Variants in NR2C2 observed in about 807,000 individuals in gnomAD.
NR2C2 encodes nuclear receptor subfamily 2 group C member 2.
A neutral mutation model predicts 62.9 loss-of-function variants in NR2C2; 6 were observed. That is an observed-to-expected ratio of 0.10 (90% CI 0.05 to 0.19). The LOEUF (loss-of-function observed/expected upper bound fraction) is 0.19, where lower values mean the gene tolerates loss of function less well. Among genes scored for constraint, NR2C2 ranks in the 10% least tolerant of loss-of-function variants. The pLI is 1.00. For missense variants in NR2C2, 479 were observed against 762.7 expected (o/e 0.63, Z 4.38); for synonymous variants, 272 against 273.8 (o/e 0.99, Z 0.07).
intron 8 of NR2C2, among the ~76,000 whole-genome samples, chr3:15,029,882 GAA>G (rs2041930108): frequency 2.0e-5 from 3 of 150,368 alleles, no homozygotes; most frequent in African/African-American, 4.9e-5. Flanking sequence ...AAGAAAAAGA[GAA>G]AGAGACAAAG....
chr3:14,999,438 C>T (rs1011455933), intron 1 of NR2C2, among the ~76,000 whole-genome samples: 1 of 152,128 alleles, frequency 6.6e-6, no homozygotes, highest in Non-Finnish European at 1.5e-5. Context: ...CTGCAGTGAA[C>T]CATAATTGTG....
chr3:15,028,481 C>G, intron 7 of NR2C2, 105 bp from the exon 8 acceptor site: 1 of 1,052,392 alleles, frequency 9.5e-7, no homozygotes, highest in Admixed American at 2.3e-5. Context: ...AGTCACACTT[C>G]CCTCTCCTCG....
At chr3:14,965,522 C>CAAA (rs545143806) in intron 1 of NR2C2, among the ~76,000 whole-genome samples, 30 of 79,614 alleles carry the variant, frequency 3.8e-4, no homozygotes, top group Admixed American at 7.2e-4. Context: ...TTTCCCATGG[C>CAAA]AAAAAAAAAA....
intron 12 of NR2C2, chr3:15,038,915 C>T (rs1360874039): frequency 3.5e-6 from 2 of 565,200 alleles, no homozygotes; most frequent in African/African-American, 3.8e-5. Flanking sequence ...CACTCAGGGT[C>T]CCCGACCCGC....
chr3:14,954,874 AGGCCGGAGTGCAGTGGTACG>A, intron 1 of NR2C2, among the ~76,000 whole-genome samples: 1 of 152,310 alleles, frequency 6.6e-6, no homozygotes, highest in Admixed American at 6.5e-5. Flanking sequence ...TCTGCCGCCC[AGGCCGGAGTGCAGTGGTACG>A]ATCTTGGTTC....
At chr3:14,960,704 A>T (rs935986577) in intron 1 of NR2C2, among the ~76,000 whole-genome samples, 1 of 152,218 alleles carries the variant, frequency 6.6e-6, no homozygotes, top group African/African-American at 2.4e-5. Flanking sequence ...TCTAAAAGTG[A>T]TAAAAATTAT....
At chr3:14,997,635 G>A (rs970682921) in intron 1 of NR2C2, among the ~76,000 whole-genome samples, 2 of 152,024 alleles carry the variant, frequency 1.3e-5, no homozygotes, top group Non-Finnish European at 2.9e-5. Context: ...CCAAGAGAGA[G>A]CTAATCCATA....
chr3:14,984,334 T>G (rs1053998887), intron 1 of NR2C2, among the ~76,000 whole-genome samples: 1 of 152,218 alleles, frequency 6.6e-6, no homozygotes, highest in Non-Finnish European at 1.5e-5. Flanking sequence ...ATTTTCTTCC[T>G]TCTACTTTCT....
intron 1 of NR2C2, among the ~76,000 whole-genome samples, chr3:14,949,139 G>A (rs1313269129): frequency 1.3e-5 from 2 of 152,204 alleles, no homozygotes; most frequent in Admixed American, 1.3e-4. Context: ...CACATCTGGA[G>A]AACCAGCTGT....
chr3:14,961,932 A>G (rs1000738278), intron 1 of NR2C2, among the ~76,000 whole-genome samples: 4 of 152,224 alleles, frequency 2.6e-5, no homozygotes, highest in East Asian at 1.9e-4. Flanking sequence ...TGAGTGAGGT[A>G]TGTTAGCACC....
chr3:14,978,389 A>G (rs1001934454), intron 1 of NR2C2, among the ~76,000 whole-genome samples: 9 of 152,228 alleles, frequency 5.9e-5, no homozygotes, highest in African/African-American at 1.9e-4. Context: ...AAACTTGAAT[A>G]TCTCATGTAG....
chr3:15,042,993 C>T lies in NR2C2; in HGVS notation c.1776C>T (p.Thr592=), dbSNP rs761575938. ...CAGCAGAGTATAATGGCCAGATCAC[C>T]GGAGCCAGTCTATAGCGCAAACCAC... ...METAEYNGQI[T]GASL Residue 592 remains threonine, a synonymous_variant, in exon 14 of 14, where the codon ACC becomes ACT. Transcript: ENST00000425241. 53 of 1,613,906 alleles carry T rather than the reference C, an allele frequency of 3.3e-5. No individual in the cohort carries two copies. Among genetic ancestry groups the T allele is most frequent in the South Asian group, 1.6e-4 (15 of 91,042 alleles).
intron 1 of NR2C2, among the ~76,000 whole-genome samples, chr3:14,978,682 C>T (rs1006780056): frequency 6.6e-6 from 1 of 152,104 alleles, no homozygotes; most frequent in East Asian, 1.9e-4. Context: ...ATAGGGTTGG[C>T]AGCATGGGGG....
At chr3:15,039,367 G>A (rs1020750535) in intron 13 of NR2C2, 140 bp downstream of exon 13, 8 of 645,508 alleles carry the variant, frequency 1.2e-5, no homozygotes, top group South Asian at 1.2e-4. Context: ...TCTAATTCTT[G>A]AGTTTTCTTT....
At chr3:15,009,736 G>A (rs1454548649) in intron 2 of NR2C2, among the ~76,000 whole-genome samples, 1 of 152,188 alleles carries the variant, frequency 6.6e-6, no homozygotes, top group Non-Finnish European at 1.5e-5. Context: ...CAAACTTAGT[G>A]GCTTAAAACA....
intron 2 of NR2C2, among the ~76,000 whole-genome samples, chr3:15,006,837 A>C (rs1031569735): frequency 4.1e-5 from 6 of 147,480 alleles, no homozygotes; most frequent in African/African-American, 1.5e-4. Context: ...GTACAGTGGC[A>C]CAGTGTTGGC....
chr3:14,985,561 T>C (rs2125344272), intron 1 of NR2C2, among the ~76,000 whole-genome samples: 1 of 152,314 alleles, frequency 6.6e-6, no homozygotes, highest in South Asian at 2.1e-4. Context: ...CATCCATGTT[T>C]ATGTAGCTAT....
chr3:15,015,864 C>T (rs901635787), intron 3 of NR2C2, among the ~76,000 whole-genome samples: 2 of 152,122 alleles, frequency 1.3e-5, no homozygotes, highest in East Asian at 1.9e-4. Flanking sequence ...TGCAGTGGTG[C>T]GATCTCGGCT....
At chr3:14,960,107 A>G in intron 1 of NR2C2, among the ~76,000 whole-genome samples, 1 of 152,218 alleles carries the variant, frequency 6.6e-6, no homozygotes, top group East Asian at 1.9e-4. Context: ...TTTCTAAGAA[A>G]ATATTTACAG....
Sources: allele counts gnomAD v4.1 joint callset (sites outside exome capture counted in the v4.1 genomes callset), GRCh38; gene constraint gnomAD v4.1.1; transcripts MANE v1.5; gene names NCBI Gene and HGNC (gene_info 2026-07-23, HGNC 2026-07-21).